EVC2: variants seen among roughly 807,000 people sequenced by gnomAD.
EVC2 encodes the protein EvC ciliary complex subunit 2, also known as limbin.
EVC2 carries 148 observed loss-of-function variants against 149.3 expected under a neutral mutation model. That is an observed-to-expected ratio of 0.99 (90% confidence interval 0.87 to 1.14). EVC2 has a LOEUF of 1.14. Ranked by LOEUF, EVC2 falls within the 50% of genes most tolerant of loss-of-function variation. The pLI, the probability that EVC2 is intolerant of heterozygous loss-of-function variation, is 0.00. For missense variants in EVC2, 1,854 were observed against 1,627.3 expected (o/e 1.14, Z -2.40); for synonymous variants, 776 against 649.9 (o/e 1.19, Z -2.95).
Position 5,640,828 on chromosome 4 carries a change from CA to C in EVC2, c.1155del (p.Ile385MetfsTer4). ...SMLQALEELE[I>X]ATLNRADADL... Reference sequence around the variant, plus strand: ...TCTGCATCTGCCCGATTCAGGGTTGCAATCTCCAACCTAGGAAACACAAAAA... The same window carrying C: ...TCTGCATCTGCCCGATTCAGGGTTGCATCTCCAACCTAGGAAACACAAAAA... On this transcript the variant is annotated frameshift_variant, in exon 10 of 22. Transcript: ENST00000344408. LOFTEE classifies it high-confidence loss of function. This position sits in a 1 kb window ranked among gnomAD's most constrained non-coding sequence, Gnocchi z 4.6. 6.2e-7 allele frequency: 1 copy of C among 1,614,170 alleles called. No homozygotes were observed. Among genetic ancestry groups the C allele is most frequent in the Non-Finnish European group, 8.5e-7 (1 of 1,180,026 alleles).
In EVC2 at chr4:5,679,188, T is replaced by C. The variant is rs118125758; in HGVS notation, c.870+2072A>G. Reference sequence around the variant, plus strand: ...TGAATGTGAAGGCGTAGGGTATGACTGTACACGACTATAGACTTTAGAAAC... The same window carrying C: ...TGAATGTGAAGGCGTAGGGTATGACCGTACACGACTATAGACTTTAGAAAC... On this transcript the variant is annotated intron_variant, in intron 7 of 21. Transcript: ENST00000344408. The surrounding 1 kb of genome is among the most constrained non-coding windows in gnomAD (Gnocchi z 5.1). Among the ~76,000 whole-genome samples, 83 of 152,192 alleles carry C rather than the reference T, an allele frequency of 5.5e-4. 1 individual carries two copies. In the East Asian group the frequency reaches 0.016, roughly 29 times the overall value.
chr4:5,540,556 G>A (rs111423174), downstream of EVC2, among the ~76,000 whole-genome samples: 16 of 152,310 alleles, frequency 1.1e-4, no homozygotes, highest in African/African-American at 2.6e-4. Context: ...AGTGAAAGAA[G>A]TCAGAGTATA....
rs111320441 is a variant in EVC2, at chr4:5,657,743, A to G, written c.1145+5364T>C. 3.0e-5 allele frequency among the ~76,000 whole-genome samples: 2 copies of G among 65,598 alleles called. No homozygotes were observed. Among genetic ancestry groups the G allele is most frequent in the Non-Finnish European group, 6.2e-5 (2 of 32,076 alleles). 43.0% of individuals were successfully genotyped at this position (65,598 alleles called of 152,430 possible). ...AAATACAACAACATTAATTTGAAAA[A>G]GAAAAAAAAAAAAGGTAGTTTCCGG... On this transcript the variant is annotated intron_variant, in intron 9 of 21. Transcript: ENST00000344408. This position sits in a 1 kb window ranked among gnomAD's most constrained non-coding sequence, Gnocchi z 4.7.
At chr4:5,708,645 C>G (rs889225567), upstream of EVC2, 20 of 615,088 alleles carry the variant, frequency 3.3e-5, no homozygotes, top group Admixed American at 8.6e-5. Context: ...AACAAACACC[C>G]GCATCTGGGG....
At position 5,598,124 on chromosome 4, in the gene EVC2, A is replaced by G. The variant is rs1166711279; in HGVS notation, c.2830-13274T>C. On this transcript the variant is annotated intron_variant, in intron 16 of 21. Transcript: ENST00000344408. ...CTCATGGGTAGGAAGAATCAATATC[A>G]TGAAAATGGCCATACTGCCCAAGGT... Among the ~76,000 whole-genome samples, 14 of 150,806 alleles carry G rather than the reference A, an allele frequency of 9.3e-5. No homozygotes were observed. The East Asian group carries it at 1.2e-3, about 13-fold the overall frequency.
intron 2 of EVC2, among the ~76,000 whole-genome samples, chr4:5,694,845 C>T (rs1468128422): frequency 6.6e-6 from 1 of 152,156 alleles, no homozygotes; most frequent in Non-Finnish European, 1.5e-5. Flanking sequence ...CTGGCTCTGC[C>T]CCTCCAGCTG....
At chr4:5,601,482 C>T (rs982584090) in intron 16 of EVC2, among the ~76,000 whole-genome samples, 2 of 150,316 alleles carry the variant, frequency 1.3e-5, no homozygotes, top group African/African-American at 4.9e-5. Flanking sequence ...AGGCTATCTC[C>T]CAGCAAGTGA....
chr4:5,665,712 C>T (rs1023267650), intron 7 of EVC2, 63 bp from the exon 8 acceptor site: 55 of 1,594,934 alleles, frequency 3.4e-5, no homozygotes, highest in Non-Finnish European at 4.4e-5. Flanking sequence ...CCAGGCCTCA[C>T]AGATGATTGA....
chr4:5,531,911 A>C, the EVC2 span, among the ~76,000 whole-genome samples: 2 of 152,116 alleles, frequency 1.3e-5, no homozygotes, highest in Non-Finnish European at 2.9e-5. Flanking sequence ...GGTGCCAAAA[A>C]GGTTGAGGAC....
At chr4:5,549,291 T>A (rs1164449434) in intron 21 of EVC2, among the ~76,000 whole-genome samples, 1 of 152,192 alleles carries the variant, frequency 6.6e-6, no homozygotes, top group Non-Finnish European at 1.5e-5. Context: ...TTTTACTCCC[T>A]GCAATAATTG....
At chr4:5,541,102 T>C (rs565481036), downstream of EVC2, among the ~76,000 whole-genome samples, 12 of 152,364 alleles carry the variant, frequency 7.9e-5, no homozygotes, top group Admixed American at 2.0e-4. Context: ...TAGGTGACTA[T>C]AGTGATAACA....
At chr4:5,601,438 A>G (rs1399526273) in intron 16 of EVC2, among the ~76,000 whole-genome samples, 1 of 152,172 alleles carries the variant, frequency 6.6e-6, no homozygotes, top group Non-Finnish European at 1.5e-5. Context: ...AACATAAATG[A>G]AAAACTCAAT....
chr4:5,620,863 G>A (rs536219201), intron 14 of EVC2, among the ~76,000 whole-genome samples: 18 of 152,322 alleles, frequency 1.2e-4, no homozygotes, highest in African/African-American at 4.3e-4. Flanking sequence ...AGAGTCCAAA[G>A]CCAGTTTGAA....
At chr4:5,609,414 C>T (rs2058207493) in intron 16 of EVC2, among the ~76,000 whole-genome samples, 1 of 152,186 alleles carries the variant, frequency 6.6e-6, no homozygotes, top group Non-Finnish European at 1.5e-5. Flanking sequence ...TCAGGAGGAA[C>T]ATTAAAGCTG....
intron 11 of EVC2, 68 bp from the exon 12 acceptor site, chr4:5,628,802 T>C: frequency 6.9e-7 from 1 of 1,449,684 alleles, no homozygotes; most frequent in Middle Eastern, 2.3e-4. Context: ...TTTCTAGACA[T>C]TTAAAATATT....
chr4:5,529,815 GTTT>G, the EVC2 span, among the ~76,000 whole-genome samples: 9 of 132,052 alleles, frequency 6.8e-5, no homozygotes, highest in Admixed American at 7.6e-5. This position sits in a 1 kb window ranked among gnomAD's most constrained non-coding sequence, Gnocchi z 4.5. Flanking sequence ...AGTTATTTAG[GTTT>G]TTTTTTTTTT....
intron 9 of EVC2, among the ~76,000 whole-genome samples, chr4:5,643,387 TG>T: frequency 6.6e-6 from 1 of 151,892 alleles, no homozygotes; most frequent in Middle Eastern, 3.4e-3. Flanking sequence ...ACCATGTAAT[TG>T]TTTTTTTCAC....
At position 5,568,455 on chromosome 4, in the gene EVC2, C is replaced by T; in HGVS notation, c.3546G>A (p.Val1182=). ...ESDGGAEQAD[V]GRRRKHQSWW... ...TCCACGGCACTCACCTCCGCCTGCC[C>T]ACGTCGGCCTGCTCCGCTCCGCCAT... is the stretch of plus-strand genomic sequence containing the variant. The change falls in exon 20 of 22, where the codon GTG becomes GTA. Residue 1182 remains valine, a synonymous_variant. Coordinates refer to ENST00000344408, the MANE Select transcript of EVC2 (RefSeq NM_147127.5). The T allele has an allele frequency of 6.4e-7, 1 of 1,560,570 alleles. No homozygotes were observed. Among genetic ancestry groups the T allele is most frequent in the Non-Finnish European group, 8.6e-7 (1 of 1,160,076 alleles).
intron 9 of EVC2, among the ~76,000 whole-genome samples, chr4:5,650,571 G>C (rs75678996): frequency 0.052 from 7,426 of 142,566 alleles, 228 homozygotes; most frequent in Middle Eastern, 0.098. Flanking sequence ...ATTAGCAATA[G>C]TGCCTCTTAC....
Sources: gnomAD v4.1 joint callset for allele counts (sites outside exome capture counted in the v4.1 genomes callset) on GRCh38, gnomAD v4.1.1 for gene constraint, Gnocchi (gnomAD v3.1) non-coding constraint, MANE v1.5 for transcripts, NCBI Gene and HGNC (gene_info 2026-07-23, HGNC 2026-07-21) for gene names.